Variants in RGS13 observed in about 807,000 individuals in gnomAD.
The protein encoded by RGS13 is regulator of G-protein signalling 13.
RGS13 carries 14 observed loss-of-function variants against 19.9 expected under a neutral mutation model. That is an observed-to-expected ratio of 0.70 (90% confidence interval 0.46 to 1.10). RGS13 has a LOEUF of 1.10. Ranked by LOEUF, RGS13 falls within the 50% of genes least tolerant of loss-of-function variation. The pLI is 0.00. For missense variants in RGS13, 205 were observed against 187.1 expected, an observed-to-expected ratio of 1.10 and a Z score of -0.56; for synonymous variants, 60 against 56.8, an observed-to-expected ratio of 1.06 and a Z score of -0.25.
intron 5 of RGS13, among the ~76,000 whole-genome samples, chr1:192,657,696 A>G (rs2296020): frequency 0.56 from 85,130 of 151,936 alleles, 24,132 homozygotes; most frequent in East Asian, 0.72. Context: ...TGCTCTGATT[A>G]GACATTGAGA....
chr1:192,641,300 AAGAAAG>A (rs879573460), intron 3 of RGS13, among the ~76,000 whole-genome samples: 4,427 of 137,992 alleles, frequency 0.032, 105 homozygotes, highest in Non-Finnish European at 0.043. Flanking sequence ...GAAAGAAAGA[AAGAAAG>A]AAAAGAAAGA....
At chr1:192,640,138 T>C (rs12044559) in intron 3 of RGS13, among the ~76,000 whole-genome samples, 71,852 of 151,868 alleles carry the variant, frequency 0.47, 17,074 homozygotes, top group South Asian at 0.52. Flanking sequence ...ACTAATAATA[T>C]TCACAGAGAA....
intron 2 of RGS13, among the ~76,000 whole-genome samples, chr1:192,637,938 C>A (rs563188487): frequency 4.6e-5 from 7 of 151,984 alleles, no homozygotes; most frequent in Non-Finnish European, 1.0e-4. Flanking sequence ...TTAGAACATT[C>A]CCTTTATGGA....
chr1:192,646,617 A>G (rs1663226126), intron 4 of RGS13: 1 of 152,090 alleles, frequency 6.6e-6, no homozygotes, highest in African/African-American at 2.4e-5. Context: ...CCCAGCATCC[A>G]ATAGCTATTA....
At chr1:192,657,326 C>G (rs1478005230) in intron 5 of RGS13, among the ~76,000 whole-genome samples, 1 of 152,038 alleles carries the variant, frequency 6.6e-6, no homozygotes, top group Non-Finnish European at 1.5e-5. Context: ...TATCTTGAAC[C>G]TTGAGAATAC....
At chr1:192,651,317 A>G (rs190167606) in intron 5 of RGS13, among the ~76,000 whole-genome samples, 9 of 152,206 alleles carry the variant, frequency 5.9e-5, no homozygotes, top group Admixed American at 3.3e-4. Flanking sequence ...GAGCAGTTTC[A>G]TGGGTATGGT....
intron 5 of RGS13, among the ~76,000 whole-genome samples, chr1:192,654,868 A>G (rs1188970938): frequency 6.6e-6 from 1 of 152,056 alleles, no homozygotes; most frequent in Non-Finnish European, 1.5e-5. Flanking sequence ...TTTTAAGGGA[A>G]AAGTATACAC....
intron 4 of RGS13, 124 bp downstream of exon 4, chr1:192,644,523 G>A (rs142167657): frequency 6.4e-5 from 46 of 718,472 alleles, no homozygotes; most frequent in Non-Finnish European, 9.7e-5. Context: ...GCATTTACAC[G>A]TGAGTCATTT....
At chr1:192,647,247 T>G (rs1029805900) in intron 4 of RGS13, 2 of 152,156 alleles carry the variant, frequency 1.3e-5, no homozygotes, top group East Asian at 3.8e-4. Flanking sequence ...CCAAAAACCT[T>G]AAAAATCTGC....
At position 192,659,738 on chromosome 1, in the gene RGS13, G is replaced by T; in HGVS notation, c.*215G>T. The T allele has an allele frequency of 2.4e-6, 1 of 423,624 alleles. No individual in the cohort carries two copies. Among genetic ancestry groups the T allele is most frequent in the Non-Finnish European group, 4.1e-6 (1 of 241,808 alleles). The allele number at this position is 423,624 out of a possible 1,614,324, so 26.2% of individuals were successfully genotyped here. A position where few individuals can be genotyped will look rare whatever the true frequency, so the allele number is the denominator to read the frequency against. On this transcript the variant is annotated 3_prime_UTR_variant, in exon 7 of 7. Coordinates refer to ENST00000391995, the MANE Select transcript of RGS13 (RefSeq NM_002927.5). ...ACAAAATGTACAGCAAGCCTATGTA[G>T]TTCAATTAATATATAAGGAAAAGGA...
In RGS13 at chr1:192,637,670, T is replaced by C. The variant is rs949725945; in HGVS notation, c.-45+10T>C. On this transcript the variant is annotated intron_variant, in intron 2 of 6. Transcript: ENST00000391995. ...GTTTATTTGAAGCTTGGTGAGTTTA[T>C]CCACAATTTAAATCAGTTCTACGTC... The C allele has an allele frequency of 6.6e-6, 1 of 152,054 alleles. No homozygotes were observed. Among genetic ancestry groups the C allele is most frequent in the Non-Finnish European group, 1.5e-5 (1 of 67,956 alleles). 9.4% of individuals were successfully genotyped at this position (152,054 alleles called of 1,614,324 possible).
intron 3 of RGS13, among the ~76,000 whole-genome samples, chr1:192,642,522 T>A (rs373710608): frequency 9.9e-5 from 15 of 151,778 alleles, no homozygotes; most frequent in East Asian, 9.7e-4. Flanking sequence ...AGACAGGGTC[T>A]CTCTATGCTG....
At chr1:192,638,508 G>A (rs1378034909) in intron 3 of RGS13, among the ~76,000 whole-genome samples, 1 of 151,976 alleles carries the variant, frequency 6.6e-6, no homozygotes, top group East Asian at 1.9e-4. Context: ...CAAAATAGTG[G>A]TACATGGTAC....
chr1:192,654,941 C>T (rs1217586264), intron 5 of RGS13, among the ~76,000 whole-genome samples: 2 of 151,952 alleles, frequency 1.3e-5, no homozygotes, highest in African/African-American at 4.8e-5. Context: ...TGATGTTTAT[C>T]ATCTTATTCA....
rs568296124 is a variant in RGS13 at position 192,637,051 on chromosome 1, T to C, written c.-115-539T>C. Among the ~76,000 whole-genome samples the C allele has an allele frequency of 6.6e-5, 10 of 152,060 alleles. No individual in the cohort carries two copies. In the South Asian group the frequency reaches 1.4e-3, roughly 22 times the overall value. On this transcript the variant is annotated intron_variant, in intron 1 of 6. Transcript: ENST00000391995. ...ATACTTTAAGATTTCATTTAAATAA[T>C]GGAGGAAACAAATCTAATTCTGGCA... is the stretch of plus-strand genomic sequence containing the variant.
intron 3 of RGS13, among the ~76,000 whole-genome samples, chr1:192,641,306 G>A (rs200383428): frequency 7.6e-5 from 8 of 105,598 alleles, no homozygotes; most frequent in African/African-American, 1.4e-4. Flanking sequence ...AAGAAAGAAA[G>A]AAAAGAAAGA....
intron 3 of RGS13, among the ~76,000 whole-genome samples, chr1:192,642,142 C>A (rs1372508568): frequency 6.6e-6 from 1 of 152,134 alleles, no homozygotes; most frequent in African/African-American, 2.4e-5. Context: ...ACTGTGAAAT[C>A]CATGGCCTGT....
At position 192,638,181 on chromosome 1, in the gene RGS13, C is replaced by T. The variant is rs1027882871; in HGVS notation, c.-27C>T. On this transcript the variant is annotated 5_prime_UTR_variant, in exon 3 of 7. Transcript: ENST00000391995. The stretch of plus-strand genomic sequence containing the variant: ...TTTATCAGATGATATTCTAACGCTG[C>T]CTTTTCTCTTCTCATTTTAGAGGTA... The T allele has an allele frequency of 8.6e-5, 13 of 152,036 alleles. No individual in the cohort carries two copies. Among genetic ancestry groups the T allele is most frequent in the African/African-American group, 3.1e-4 (13 of 41,418 alleles). 9.4% of individuals were successfully genotyped at this position (152,036 alleles called of 1,614,324 possible).
At chr1:192,658,176 A>C (rs773984018) in intron 5 of RGS13, 25 bp from the exon 6 acceptor site, 2 of 1,561,488 alleles carry the variant, frequency 1.3e-6, no homozygotes, top group South Asian at 2.4e-5. Context: ...CCATGAAAAT[A>C]AACTGATTTC....
Sources: gnomAD v4.1 joint callset for allele counts (sites outside exome capture counted in the v4.1 genomes callset) on GRCh38, gnomAD v4.1.1 for gene constraint, MANE v1.5 for transcripts, NCBI Gene and HGNC (gene_info 2026-07-23, HGNC 2026-07-21) for gene names.